Variants in OTUD7B observed in about 807,000 individuals in gnomAD.
The protein encoded by OTUD7B is OTU domain-containing protein 7B.
A neutral mutation model predicts 82.2 loss-of-function variants in OTUD7B; 34 were observed. The ratio of observed to expected loss-of-function variants is 0.41; its 90% CI spans 0.31 to 0.55. The LOEUF (loss-of-function observed/expected upper bound fraction) is 0.55, where lower values mean the gene tolerates loss of function less well. Ranked by LOEUF, OTUD7B falls within the 20% of genes least tolerant of loss-of-function variation. The probability of loss-of-function intolerance (pLI) is 0.20; values close to 1 mark genes in which losing one functional copy is unlikely to be tolerated. For missense variants in OTUD7B, 944 were observed against 1,062.1 expected, an observed-to-expected ratio of 0.89 and a Z score of 1.55; for synonymous variants, 398 against 402.7, an observed-to-expected ratio of 0.99 and a Z score of 0.14.
At chr1:150,028,685 T>C in the OTUD7B span, among the ~76,000 whole-genome samples, 1 of 152,226 alleles carries the variant, frequency 6.6e-6, no homozygotes, top group Non-Finnish European at 1.5e-5. Flanking sequence ...CTTTGTGCTT[T>C]TTGAGACAGG....
the OTUD7B span, among the ~76,000 whole-genome samples, chr1:150,037,249 CT>C: frequency 6.8e-6 from 1 of 146,984 alleles, no homozygotes; most frequent in East Asian, 2.0e-4. Flanking sequence ...AAAATACCCT[CT>C]TTTTTTTTTT....
chr1:150,009,950 C>CACACAA (rs1208943386), intron 1 of OTUD7B, among the ~76,000 whole-genome samples: 1 of 151,368 alleles, frequency 6.6e-6, no homozygotes, highest in Admixed American at 6.6e-5. Context: ...CTCACACACA[C>CACACAA]ACACAAACAC....
At chr1:150,043,297 G>GA in the OTUD7B span, among the ~76,000 whole-genome samples, 1 of 152,080 alleles carries the variant, frequency 6.6e-6, no homozygotes, top group African/African-American at 2.4e-5. Flanking sequence ...TAGGTAAAAA[G>GA]GTGTTAGGAC....
At chr1:150,052,482 T>C in the OTUD7B span, among the ~76,000 whole-genome samples, 5 of 151,994 alleles carry the variant, frequency 3.3e-5, no homozygotes, top group East Asian at 9.7e-4. Context: ...ATCTCTACAA[T>C]GAGAATTACA....
intron 7 of OTUD7B, 104 bp from the exon 8 acceptor site, chr1:149,950,325 G>A (rs1258687528): frequency 8.7e-7 from 1 of 1,147,268 alleles, no homozygotes; most frequent in Non-Finnish European, 1.2e-6. Flanking sequence ...AAAGAAGAAT[G>A]TCCTTTCCTG....
At chr1:149,946,015 G>A (rs1381627112) in intron 11 of OTUD7B, among the ~76,000 whole-genome samples, 2 of 150,622 alleles carry the variant, frequency 1.3e-5, no homozygotes, top group Non-Finnish European at 2.9e-5. Flanking sequence ...AGCTGAGATC[G>A]CACCATTGCA....
the OTUD7B span, among the ~76,000 whole-genome samples, chr1:150,055,440 T>G: frequency 6.6e-6 from 1 of 152,100 alleles, no homozygotes. Flanking sequence ...ACTTCTGCAC[T>G]GTTGGTGGAG....
At chr1:150,014,830 T>C (rs1323958807), upstream of OTUD7B, among the ~76,000 whole-genome samples, 1 of 152,150 alleles carries the variant, frequency 6.6e-6, no homozygotes, top group African/African-American at 2.4e-5. Flanking sequence ...TCTGAGGTGA[T>C]GAGAATGTTC....
the OTUD7B span, among the ~76,000 whole-genome samples, chr1:150,043,495 T>C: frequency 1.3e-5 from 2 of 152,148 alleles, no homozygotes; most frequent in Admixed American, 6.6e-5. Flanking sequence ...TCCGCTTTAA[T>C]GTAAGGAAAA....
At chr1:150,034,838 G>A in the OTUD7B span, among the ~76,000 whole-genome samples, 7 of 151,720 alleles carry the variant, frequency 4.6e-5, no homozygotes, top group Non-Finnish European at 1.0e-4. Context: ...GTTTACTTAT[G>A]GGCCTTTAAA....
At chr1:150,029,357 T>A in the OTUD7B span, among the ~76,000 whole-genome samples, 1 of 152,196 alleles carries the variant, frequency 6.6e-6, no homozygotes, top group Non-Finnish European at 1.5e-5. Context: ...GGTTCTGATA[T>A]CAGCAGGCTA....
chr1:149,952,347 G>C (rs1193249713), intron 7 of OTUD7B, among the ~76,000 whole-genome samples: 3 of 152,014 alleles, frequency 2.0e-5, no homozygotes, highest in Admixed American at 1.3e-4. Context: ...ATGGTTTCCA[G>C]CTTCATCCAT....
At chr1:149,972,615 T>C (rs782690593) in intron 2 of OTUD7B, among the ~76,000 whole-genome samples, 5 of 152,240 alleles carry the variant, frequency 3.3e-5, no homozygotes, top group Non-Finnish European at 5.9e-5. Flanking sequence ...ATTTACTTAG[T>C]TATCACATTT....
the OTUD7B span, among the ~76,000 whole-genome samples, chr1:150,048,292 G>A: frequency 1.7e-4 from 26 of 152,236 alleles, no homozygotes; most frequent in East Asian, 7.7e-4. Context: ...CAAGCTATCC[G>A]TAGGAACCCA....
At chr1:150,007,042 C>A (rs782615395) in intron 1 of OTUD7B, among the ~76,000 whole-genome samples, 1 of 152,166 alleles carries the variant, frequency 6.6e-6, no homozygotes, top group Non-Finnish European at 1.5e-5. Flanking sequence ...GTCCCCTCCA[C>A]CCTCTTGCCT....
rs1479481456 is a variant in OTUD7B, at chr1:149,938,612, G to A, written c.*5245C>T. 6.6e-6 allele frequency: 1 copy of A among 151,278 alleles called. No individual in the cohort carries two copies. The highest frequency in any genetic ancestry group is 1.5e-5 in the Non-Finnish European group (1 of 67,990). The allele number at this position is 151,278 out of a possible 1,614,324, so 9.4% of individuals were successfully genotyped here. A position where few individuals can be genotyped will look rare whatever the true frequency, so the allele number is the denominator to read the frequency against. ...GGTGTGGAGACAGTGGAGGAACACG[G>A]AGAAAAAAAATCGGGGGGTAGGGGT... is the stretch of plus-strand genomic sequence containing the variant. On this transcript the variant is annotated 3_prime_UTR_variant, in exon 12 of 12. Transcript: ENST00000581312.
intron 1 of OTUD7B, among the ~76,000 whole-genome samples, chr1:149,981,912 G>C (rs1650760329): frequency 6.6e-6 from 1 of 152,176 alleles, no homozygotes; most frequent in Non-Finnish European, 1.5e-5. Flanking sequence ...CACTTTGGGA[G>C]GCCGAGGCAG....
chr1:149,985,800 C>T (rs1014432577), intron 1 of OTUD7B, among the ~76,000 whole-genome samples: 1 of 151,906 alleles, frequency 6.6e-6, no homozygotes, highest in South Asian at 2.1e-4. Flanking sequence ...TCTGGCTCTA[C>T]CTAATTCTCC....
chr1:149,987,831 C>G (rs1651257051), intron 1 of OTUD7B, among the ~76,000 whole-genome samples: 1 of 152,192 alleles, frequency 6.6e-6, no homozygotes, highest in Admixed American at 6.5e-5. Flanking sequence ...GTACCTTCCA[C>G]CAGATGGTCT....
Sources: allele counts gnomAD v4.1 joint callset (sites outside exome capture counted in the v4.1 genomes callset), GRCh38; gene constraint gnomAD v4.1.1; transcripts MANE v1.5; gene names NCBI Gene and HGNC (gene_info 2026-07-23, HGNC 2026-07-21).